Variants in ZNF638 observed in about 807,000 individuals in gnomAD.
The protein encoded by ZNF638 is zinc finger protein 638.
A neutral mutation model predicts 195.6 loss-of-function variants in ZNF638; 46 were observed. That is an observed-to-expected ratio of 0.24 (90% confidence interval 0.19 to 0.30). The LOEUF (loss-of-function observed/expected upper bound fraction) is 0.30. Among genes scored for constraint, ZNF638 ranks in the 10% least tolerant of loss-of-function variants. The pLI, the probability that ZNF638 is intolerant of heterozygous loss-of-function variation, is 1.00. For synonymous variants in ZNF638, 845 were observed against 772.0 expected (o/e 1.09, Z -1.57); for missense variants, 2,440 against 2,325.3 (o/e 1.05, Z -1.01).
chr2:71,398,575 G>C, intron 11 of ZNF638, 126 bp from the exon 12 acceptor site: 1 of 782,174 alleles, frequency 1.3e-6, no homozygotes, highest in East Asian at 2.5e-5. Context: ...CCCCAAAGAT[G>C]ATAGCATTTT....
chr2:71,369,264 A>G (rs1242122729), intron 7 of ZNF638, among the ~76,000 whole-genome samples: 1 of 150,330 alleles, frequency 6.7e-6, no homozygotes, highest in African/African-American at 2.5e-5. Context: ...CAGAGGTTGC[A>G]GTGACTAGAG....
Position 71,350,115 on chromosome 2 carries a change from T to C in ZNF638, c.1161T>C (p.Ile387=), listed in dbSNP as rs2078916457. Residue 387 remains isoleucine (I), a synonymous_variant, in exon 2 of 28, where the codon ATT becomes ATC. Transcript: ENST00000264447. The part of the protein sequence containing the change: ...ADIPIRSPFG[I]VKASWLPKFS... ...TTCCCATTCGGTCTCCCTTTGGTATTGTGAAAGCATCCTGGCTACCAAAGT... is the reference window on the plus strand; with the variant it reads ...TTCCCATTCGGTCTCCCTTTGGTATCGTGAAAGCATCCTGGCTACCAAAGT... The C allele has an allele frequency of 1.2e-6, 2 of 1,614,020 alleles. No individual in the cohort carries two copies. Among genetic ancestry groups the C allele is most frequent in the East Asian group, 2.2e-5 (1 of 44,892 alleles).
intron 6 of ZNF638, among the ~76,000 whole-genome samples, chr2:71,367,132 A>G (rs2079214303): frequency 6.6e-6 from 1 of 152,142 alleles, no homozygotes; most frequent in African/African-American, 2.4e-5. Context: ...AGCATTGGGA[A>G]GAAATTTTTG....
intron 20 of ZNF638, among the ~76,000 whole-genome samples, chr2:71,410,101 G>A (rs2080182328): frequency 6.6e-6 from 1 of 152,146 alleles, no homozygotes; most frequent in Non-Finnish European, 1.5e-5. Flanking sequence ...TTGAGGAGAA[G>A]TCTGATTTAG....
chr2:71,396,456 C>G (rs1223310875), intron 11 of ZNF638, among the ~76,000 whole-genome samples: 1 of 152,166 alleles, frequency 6.6e-6, no homozygotes, highest in African/African-American at 2.4e-5. Context: ...TGAGGTCTCT[C>G]TTCTTCCTTA....
chr2:71,351,656 G>A (rs1465316618), intron 2 of ZNF638, among the ~76,000 whole-genome samples: 2 of 152,104 alleles, frequency 1.3e-5, no homozygotes, highest in African/African-American at 4.8e-5. Context: ...AGTAGAAAAG[G>A]TGTACATTTA....
At position 71,423,624 on chromosome 2, in the gene ZNF638, T is replaced by C. The variant is rs1274751614; in HGVS notation, c.4110T>C (p.Ala1370=). ...ACCCAAATAAAGGAGTGGGTCAGGC[T>C]AATAAGCCTGATGAAACTAGTAAAA... ...KAYPNKGVGQ[A]NKPDETSKTS... The change falls in exon 22 of 28, where the codon GCT becomes GCC. Residue 1370 remains alanine, a synonymous_variant. Transcript: ENST00000264447. The C allele has an allele frequency of 1.9e-6, 3 of 1,613,816 alleles. No individual in the cohort carries two copies. The highest frequency in any genetic ancestry group is 2.5e-6 in the Non-Finnish European group (3 of 1,180,006).
At chr2:71,400,739 GATC>G (rs1481409873) in intron 15 of ZNF638, among the ~76,000 whole-genome samples, 1 of 151,920 alleles carries the variant, frequency 6.6e-6, no homozygotes, top group Admixed American at 6.6e-5. Context: ...AGTAGGAACA[GATC>G]ATCAACAAAT....
chr2:71,339,502 A>G (rs1486404474), intron 1 of ZNF638, among the ~76,000 whole-genome samples: 1 of 152,178 alleles, frequency 6.6e-6, no homozygotes, highest in African/African-American at 2.4e-5. Flanking sequence ...GGTAAATGGA[A>G]ACATTTTTTG....
intron 3 of ZNF638, 46 bp from the exon 4 acceptor site, chr2:71,363,107 C>A: frequency 7.2e-7 from 1 of 1,384,674 alleles, no homozygotes; most frequent in Non-Finnish European, 1.0e-6. Context: ...TTGAGCCTTA[C>A]AGTCTGATTT....
chr2:71,404,102 C>T, intron 17 of ZNF638, 104 bp downstream of exon 17: 1 of 1,189,464 alleles, frequency 8.4e-7, no homozygotes. Context: ...ACATTTTTCT[C>T]ACAGACACTG....
chr2:71,407,715 C>T (rs1251136275), intron 19 of ZNF638: 1 of 153,368 alleles, frequency 6.5e-6, no homozygotes, highest in Non-Finnish European at 1.5e-5. Context: ...TAATTCAGCC[C>T]TTATCAACCA....
At chr2:71,432,889 G>A (rs1286329187) in intron 26 of ZNF638, among the ~76,000 whole-genome samples, 1 of 152,188 alleles carries the variant, frequency 6.6e-6, no homozygotes, top group Non-Finnish European at 1.5e-5. Flanking sequence ...AGGAGTTCGA[G>A]ACCAGCCTGG....
intron 1 of ZNF638, among the ~76,000 whole-genome samples, chr2:71,340,558 C>T (rs1474604735): frequency 6.6e-6 from 1 of 152,132 alleles, no homozygotes; most frequent in Admixed American, 6.5e-5. Flanking sequence ...AGTGCTCTAA[C>T]AAAGCAGTAT....
intron 10 of ZNF638, chr2:71,395,589 G>GCT (rs1282549478): frequency 1.0e-5 from 6 of 590,926 alleles, no homozygotes; most frequent in Non-Finnish European, 1.6e-5. Flanking sequence ...GCGCAGGACT[G>GCT]CTCCCAAGGC....
At chr2:71,337,827 A>G (rs2078697639) in intron 1 of ZNF638, among the ~76,000 whole-genome samples, 1 of 134,062 alleles carries the variant, frequency 7.5e-6, no homozygotes, top group Non-Finnish European at 1.7e-5. Flanking sequence ...TGTTGCATTT[A>G]GTTGTTATGT....
intron 10 of ZNF638, chr2:71,393,447 A>T: frequency 1.4e-6 from 1 of 718,404 alleles, no homozygotes; most frequent in Admixed American, 2.0e-5. Context: ...CGTGGCTAGG[A>T]CCCAACACAG....
At chr2:71,392,948 C>G (rs2079813255) in intron 10 of ZNF638, among the ~76,000 whole-genome samples, 1 of 152,188 alleles carries the variant, frequency 6.6e-6, no homozygotes, top group Non-Finnish European at 1.5e-5. Context: ...CCTGGAGAGT[C>G]CACACGATAC....
At chr2:71,405,489 A>T in intron 17 of ZNF638, 112 bp from the exon 18 acceptor site, 1 of 650,516 alleles carries the variant, frequency 1.5e-6, no homozygotes, top group Non-Finnish European at 2.6e-6. Flanking sequence ...ATTTTATAAA[A>T]TACTTTGTAA....
Sources: allele counts gnomAD v4.1 joint callset (sites outside exome capture counted in the v4.1 genomes callset), GRCh38; gene constraint gnomAD v4.1.1; transcripts MANE v1.5; gene names NCBI Gene and HGNC (gene_info 2026-07-23, HGNC 2026-07-21).